The following SPEF2 variants were observed in gnomAD, a reference collection of about 807,000 sequenced individuals.
The protein encoded by SPEF2 is sperm flagellar and cilia associated 2.
Under a neutral mutation model 224.6 loss-of-function variants are expected in SPEF2, and 187 were observed. The observed-to-expected ratio is 0.83, with a 90% CI of 0.74 to 0.94. The LOEUF is 0.94. Among genes scored for constraint, SPEF2 ranks in the 40% least tolerant of loss-of-function variants. The pLI is 0.00. For missense variants in SPEF2, 2,170 were observed against 2,135.6 expected (o/e 1.02, Z -0.32); for synonymous variants, 715 against 707.3 (o/e 1.01, Z -0.17).
rs575678334 is a variant in SPEF2, at chr5:35,786,865, C to G, written c.4448-5475C>G. 2.6e-5 allele frequency among the ~76,000 whole-genome samples: 4 copies of G among 152,176 alleles called. No individual in the cohort carries two copies. The South Asian group carries it at 6.2e-4, about 24-fold the overall frequency. On this transcript the variant is annotated intron_variant, in intron 30 of 36. Coordinates refer to ENST00000356031, the MANE Select transcript of SPEF2 (RefSeq NM_024867.4). ...ACATTATGAAGCACATTATTTAGTTCTAGTCAGAGGGGTCAAACCCTAGAA... is the reference window on the plus strand; with the variant it reads ...ACATTATGAAGCACATTATTTAGTTGTAGTCAGAGGGGTCAAACCCTAGAA...
intron 30 of SPEF2, among the ~76,000 whole-genome samples, chr5:35,791,879 G>A (rs1160226292): frequency 6.6e-6 from 1 of 152,044 alleles, no homozygotes; most frequent in African/African-American, 2.4e-5. Context: ...TGATCCAAAA[G>A]GCAAGATGTG....
Position 35,641,545 on chromosome 5 carries a change from G to A in SPEF2, c.276G>A (p.Val92=), listed in dbSNP as rs537371056. The change falls in exon 3 of 37, where the codon GTG becomes GTA. Residue 92 remains valine, a synonymous_variant. Transcript: ENST00000356031. Reference sequence around the variant, plus strand: ...GCATCATCACAGAAAAGCCTGGGGTGGCAACAAAGCTGTTATATCAATTGT... The same window carrying A: ...GCATCATCACAGAAAAGCCTGGGGTAGCAACAAAGCTGTTATATCAATTGT... ...AHGIITEKPG[V]ATKLLYQLYI... is the part of the protein sequence containing the mutation. 1.2e-6 allele frequency: 2 copies of A among 1,613,740 alleles called. No individual in the cohort carries two copies. Among genetic ancestry groups the A allele is most frequent in the South Asian group, 2.2e-5 (2 of 91,062 alleles).
intron 20 of SPEF2, among the ~76,000 whole-genome samples, chr5:35,722,424 G>T (rs1205475809): frequency 6.6e-6 from 1 of 151,558 alleles, no homozygotes; most frequent in Non-Finnish European, 1.5e-5. Context: ...AGAAGTCCAA[G>T]GATGAAAAGT....
chr5:35,684,734 C>A (rs1280720435), intron 10 of SPEF2, among the ~76,000 whole-genome samples: 1 of 152,174 alleles, frequency 6.6e-6, no homozygotes, highest in African/African-American at 2.4e-5. Context: ...AAGCAAGTAG[C>A]AGAAGCCTTA....
chr5:35,741,401 T>C (rs998399237), intron 23 of SPEF2, among the ~76,000 whole-genome samples: 9 of 152,124 alleles, frequency 5.9e-5, no homozygotes, highest in African/African-American at 2.2e-4. Context: ...GCGATGGCAC[T>C]GAAGGGGGAG....
intron 19 of SPEF2, 25 bp from the exon 20 acceptor site, chr5:35,712,787 T>C: frequency 1.2e-6 from 2 of 1,610,876 alleles, no homozygotes; most frequent in Non-Finnish European, 1.7e-6. Flanking sequence ...TCATCAATGA[T>C]TTTTGTGTGT....
chr5:35,725,581 CTCTTA>C (rs1436517422), intron 20 of SPEF2, among the ~76,000 whole-genome samples: 1 of 152,054 alleles, frequency 6.6e-6, no homozygotes, highest in Non-Finnish European at 1.5e-5. Flanking sequence ...TCAATTGATC[CTCTTA>C]TCTTAGAATT....
chr5:35,694,209 C>T, intron 12 of SPEF2, 79 bp from the exon 13 acceptor site: 1 of 1,073,240 alleles, frequency 9.3e-7, no homozygotes, highest in Non-Finnish European at 1.4e-6. Flanking sequence ...CAAACCTTTA[C>T]TTATAGATAT....
At chr5:35,710,680 C>T (rs2149595757) in intron 19 of SPEF2, 1 of 985,368 alleles carries the variant, frequency 1.0e-6, no homozygotes, top group Non-Finnish European at 1.2e-6. Context: ...TCCTCCTCAG[C>T]TTGCTCCAGT....
chr5:35,706,964 T>G (rs1739899493), intron 18 of SPEF2, among the ~76,000 whole-genome samples: 1 of 152,166 alleles, frequency 6.6e-6, no homozygotes, highest in Admixed American at 6.6e-5. Context: ...TTAGAATCAG[T>G]TTGTTTTTGC....
chr5:35,631,367 A>G (rs1328062701), intron 2 of SPEF2, among the ~76,000 whole-genome samples: 1 of 152,188 alleles, frequency 6.6e-6, no homozygotes, highest in African/African-American at 2.4e-5. Context: ...ACACAGAGCC[A>G]AACCATATCA....
Position 35,710,341 on chromosome 5 carries a change from A to G in SPEF2, c.2839+1220A>G, listed in dbSNP as rs549932717. ...GGGAGGCTGAGGTGGGCAGATCACC[A>G]GAAATCAGGAGTTCGAGACCCCGCT... is the stretch of plus-strand genomic sequence containing the variant. On this transcript the variant is annotated intron_variant, in intron 19 of 36. Coordinates refer to ENST00000356031, the MANE Select transcript of SPEF2 (RefSeq NM_024867.4). 1.5e-3 allele frequency: 1,225 copies of G among 813,032 alleles called. 2 individuals carry two copies. Among genetic ancestry groups the G allele is most frequent in the Non-Finnish European group, 1.7e-3 (1,126 of 672,918 alleles). The allele number at this position is 813,032 out of a possible 1,614,324, so 50.4% of individuals were successfully genotyped here. A position where few individuals can be genotyped will look rare whatever the true frequency, so the allele number is the denominator to read the frequency against.
In SPEF2 at chr5:35,773,968, A is replaced by G. The variant is rs1753242670; in HGVS notation, c.4025A>G (p.Asn1342Ser). Reference sequence around the variant, plus strand: ...GAAATTGCTGAAATCAAAAGGAAAAATGAACTGAGGGTCAAAATAAAAGAA... The same window carrying G: ...GAAATTGCTGAAATCAAAAGGAAAAGTGAACTGAGGGTCAAAATAAAAGAA... The part of the protein sequence containing the change: ...TEEIAEIKRK[N>S]ELRVKIKEEH... The change falls in exon 28 of 37, where the codon AAT (asparagine) becomes AGT (serine). Residue 1342 changes from asparagine (N) to serine (S), a missense_variant. Asn to Ser is a conservative substitution (Grantham distance 46). Coordinates refer to ENST00000356031, the MANE Select transcript of SPEF2 (RefSeq NM_024867.4). 2.5e-6 allele frequency: 4 copies of G among 1,613,294 alleles called. No individual in the cohort carries two copies. Among genetic ancestry groups the G allele is most frequent in the Non-Finnish European group, 8.5e-7 (1 of 1,179,604 alleles).
chr5:35,720,274 T>A (rs1170525410), intron 20 of SPEF2, among the ~76,000 whole-genome samples: 2 of 152,206 alleles, frequency 1.3e-5, no homozygotes, highest in African/African-American at 4.8e-5. Flanking sequence ...ATAGTCAAAA[T>A]AAGTTTCCTT....
At chr5:35,723,619 T>C (rs1013641453) in intron 20 of SPEF2, among the ~76,000 whole-genome samples, 1 of 152,176 alleles carries the variant, frequency 6.6e-6, no homozygotes, top group Admixed American at 6.5e-5. Context: ...TTTATAATAA[T>C]GCTGTTGAAA....
intron 6 of SPEF2, among the ~76,000 whole-genome samples, chr5:35,651,935 T>C (rs1328709741): frequency 6.6e-6 from 1 of 152,206 alleles, no homozygotes; most frequent in African/African-American, 2.4e-5. Flanking sequence ...GAATAATAAA[T>C]CCTGTCTGCT....
chr5:35,741,871 C>T (rs1747704853), intron 23 of SPEF2, among the ~76,000 whole-genome samples: 1 of 152,152 alleles, frequency 6.6e-6, no homozygotes, highest in African/African-American at 2.4e-5. Flanking sequence ...TTCCTGTATA[C>T]TTCTTCCTCC....
intron 20 of SPEF2, among the ~76,000 whole-genome samples, chr5:35,714,577 T>C (rs1212598978): frequency 6.6e-6 from 1 of 151,966 alleles, no homozygotes; most frequent in Non-Finnish European, 1.5e-5. Context: ...ATTTACTTTG[T>C]ATTTTTTTTC....
At chr5:35,657,427 T>C (rs553080867) in intron 7 of SPEF2, among the ~76,000 whole-genome samples, 1 of 151,954 alleles carries the variant, frequency 6.6e-6, no homozygotes, top group East Asian at 1.9e-4. Flanking sequence ...AAGAAAAGGA[T>C]TGGTAGGGAG....
Sources: gnomAD v4.1 joint callset for allele counts (sites outside exome capture counted in the v4.1 genomes callset) on GRCh38, gnomAD v4.1.1 for gene constraint, MANE v1.5 for transcripts, NCBI Gene and HGNC (gene_info 2026-07-23, HGNC 2026-07-21) for gene names.